The following LRFN5 variants were observed in gnomAD, a reference collection of about 807,000 sequenced individuals.
LRFN5 encodes leucine rich repeat and fibronectin type III domain containing 5, also known as leucine-rich repeat and fibronectin type-III domain-containing protein 5.
A neutral mutation model predicts 45.6 loss-of-function variants in LRFN5; 24 were observed. The ratio of observed to expected loss-of-function variants is 0.53; its 90% CI spans 0.38 to 0.74. The LOEUF is 0.74. Ranked by LOEUF, LRFN5 falls within the 30% of genes least tolerant of loss-of-function variation. LRFN5 has a pLI of 0.00. For synonymous variants in LRFN5, 340 were observed against 313.8 expected (o/e 1.08, Z -0.88); for missense variants, 776 against 861.5 (o/e 0.90, Z 1.24).
chr14:41,748,746 T>A (rs899227294), intron 1 of LRFN5, among the ~76,000 whole-genome samples: 1 of 152,114 alleles, frequency 6.6e-6, no homozygotes, highest in Non-Finnish European at 1.5e-5. Context: ...GAAAGCCAGA[T>A]GCGTATGGGC....
intron 1 of LRFN5, among the ~76,000 whole-genome samples, chr14:41,663,861 G>C (rs1346190450): frequency 1.3e-5 from 2 of 151,958 alleles, no homozygotes; most frequent in African/African-American, 4.8e-5. Flanking sequence ...ATATAAAAAT[G>C]AAATAAATAG....
At chr14:41,778,878 A>T (rs1189132640) in intron 2 of LRFN5, among the ~76,000 whole-genome samples, 2 of 151,790 alleles carry the variant, frequency 1.3e-5, no homozygotes, top group African/African-American at 4.8e-5. Flanking sequence ...GTTTGTACTC[A>T]CTTACTAATG....
rs866972236 is a variant in LRFN5, at chr14:41,855,940, A to T, written c.-20-30666A>T. On this transcript the variant is annotated intron_variant, in intron 2 of 5. Transcript: ENST00000298119. ...AGACCTTTTAAATACAACTTAGAGA[A>T]TCATCAATAATTCTTTATTTTAAAG... Among the ~76,000 whole-genome samples, 5 of 152,312 alleles carry T rather than the reference A, an allele frequency of 3.3e-5. No individual in the cohort carries two copies. In the South Asian group the frequency reaches 6.2e-4, roughly 19 times the overall value.
chr14:41,780,678 T>C (rs1886450822), intron 2 of LRFN5, among the ~76,000 whole-genome samples: 1 of 152,136 alleles, frequency 6.6e-6, no homozygotes, highest in African/African-American at 2.4e-5. Flanking sequence ...ATGTTACAAA[T>C]GATTACTATA....
At chr14:41,687,906 C>T (rs924073157) in intron 1 of LRFN5, among the ~76,000 whole-genome samples, 1 of 152,088 alleles carries the variant, frequency 6.6e-6, no homozygotes, top group Admixed American at 6.6e-5. Flanking sequence ...AAAGAACCTG[C>T]ACTATCTGTA....
At chr14:41,673,496 C>T (rs1881360538) in intron 1 of LRFN5, among the ~76,000 whole-genome samples, 1 of 145,498 alleles carries the variant, frequency 6.9e-6, no homozygotes, top group Non-Finnish European at 1.5e-5. Flanking sequence ...GGCAGAGGGG[C>T]TCCTCACTTC....
At chr14:41,902,193 G>C (rs1279071554) in intron 5 of LRFN5, among the ~76,000 whole-genome samples, 1 of 151,760 alleles carries the variant, frequency 6.6e-6, no homozygotes, top group East Asian at 1.9e-4. Context: ...TTTTAGTACT[G>C]TTAATAAGAC....
At chr14:41,782,081 T>C (rs563598633) in intron 2 of LRFN5, among the ~76,000 whole-genome samples, 1 of 152,104 alleles carries the variant, frequency 6.6e-6, no homozygotes, top group East Asian at 1.9e-4. Flanking sequence ...TTAAAAAAAA[T>C]TATTGGTTAT....
intron 2 of LRFN5, among the ~76,000 whole-genome samples, chr14:41,796,176 A>G (rs1436775082): frequency 6.6e-6 from 1 of 152,016 alleles, no homozygotes; most frequent in East Asian, 1.9e-4. Flanking sequence ...CTTTGAATAA[A>G]AAAGTTTTTC....
At chr14:41,741,324 A>G (rs1884681317) in intron 1 of LRFN5, among the ~76,000 whole-genome samples, 1 of 151,800 alleles carries the variant, frequency 6.6e-6, no homozygotes, top group South Asian at 2.1e-4. Context: ...AATTGTAGTC[A>G]AAACAGCATG....
intron 1 of LRFN5, among the ~76,000 whole-genome samples, chr14:41,735,684 C>T (rs1884396783): frequency 6.6e-6 from 1 of 152,212 alleles, no homozygotes; most frequent in Non-Finnish European, 1.5e-5. Flanking sequence ...AATACAAGTG[C>T]CGTGGTGATA....
intron 5 of LRFN5, among the ~76,000 whole-genome samples, chr14:41,903,552 A>G (rs996702002): frequency 6.6e-6 from 1 of 151,542 alleles, no homozygotes; most frequent in Non-Finnish European, 1.5e-5. Flanking sequence ...TTTATGTTTA[A>G]ATATTTTTAT....
At chr14:41,676,481 A>G (rs1296698620) in intron 1 of LRFN5, among the ~76,000 whole-genome samples, 1 of 152,214 alleles carries the variant, frequency 6.6e-6, no homozygotes, top group Non-Finnish European at 1.5e-5. Context: ...GAGAGAAACT[A>G]AGAGGAGGCT....
chr14:41,820,977 A>T (rs1448003605), intron 2 of LRFN5, among the ~76,000 whole-genome samples: 1 of 151,958 alleles, frequency 6.6e-6, no homozygotes, highest in African/African-American at 2.4e-5. Context: ...TATAGAACTT[A>T]ATTAAGTCAA....
chr14:41,701,165 A>G (rs938997998), intron 1 of LRFN5: 2 of 152,134 alleles, frequency 1.3e-5, no homozygotes, highest in African/African-American at 4.8e-5. Flanking sequence ...GATCAATTAG[A>G]TGCTATTGTA....
intron 2 of LRFN5, among the ~76,000 whole-genome samples, chr14:41,823,860 T>C (rs1241773): frequency 0.23 from 35,357 of 152,112 alleles, 4,634 homozygotes; most frequent in Middle Eastern, 0.35. Context: ...ACTTTGTTCA[T>C]TTTTAAAAAT....
intron 2 of LRFN5, among the ~76,000 whole-genome samples, chr14:41,886,377 G>A (rs1890571632): frequency 6.6e-6 from 1 of 152,078 alleles, no homozygotes; most frequent in Admixed American, 6.5e-5. Flanking sequence ...ACTTTTGACT[G>A]CTTTGTTTTT....
At chr14:41,658,953 G>C (rs10145720) in intron 1 of LRFN5, among the ~76,000 whole-genome samples, 1 of 151,444 alleles carries the variant, frequency 6.6e-6, no homozygotes, top group Non-Finnish European at 1.5e-5. Context: ...CTCTTTTCCT[G>C]CCTGCCTCTC....
intron 1 of LRFN5, among the ~76,000 whole-genome samples, chr14:41,759,682 T>C (rs886302245): frequency 4.6e-5 from 7 of 152,202 alleles, no homozygotes; most frequent in Non-Finnish European, 7.3e-5. Flanking sequence ...TATAATGCCA[T>C]TGATGTGGTC....
Sources: gnomAD v4.1 joint callset for allele counts (sites outside exome capture counted in the v4.1 genomes callset) on GRCh38, gnomAD v4.1.1 for gene constraint, MANE v1.5 for transcripts, NCBI Gene and HGNC (gene_info 2026-07-23, HGNC 2026-07-21) for gene names.